PCDHA12: variants seen among roughly 807,000 people sequenced by gnomAD.
PCDHA12 encodes protocadherin alpha-12.
Under a neutral mutation model 60.0 loss-of-function variants are expected in PCDHA12, and 44 were observed. The ratio of observed to expected loss-of-function variants is 0.73; its 90% confidence interval spans 0.58 to 0.94. The LOEUF (loss-of-function observed/expected upper bound fraction) is 0.94. PCDHA12 is among the 40% of genes least tolerant of loss of function. The pLI is 0.00. For synonymous variants in PCDHA12, 569 were observed against 553.0 expected (o/e 1.03, Z -0.40); for missense variants, 1,276 against 1,239.7 (o/e 1.03, Z -0.44).
intron 3 of PCDHA12, among the ~76,000 whole-genome samples, chr5:140,995,110 C>T (rs1047046754): frequency 4.6e-5 from 7 of 152,198 alleles, no homozygotes; most frequent in Non-Finnish European, 7.3e-5. Flanking sequence ...TTCCAAGACC[C>T]TCAGTGGATG....
intron 1 of PCDHA12, among the ~76,000 whole-genome samples, chr5:140,914,725 T>C (rs1317424827): frequency 6.6e-6 from 1 of 152,164 alleles, no homozygotes; most frequent in African/African-American, 2.4e-5. Flanking sequence ...TTATTTTTTG[T>C]GTATCCATTG....
intron 1 of PCDHA12, among the ~76,000 whole-genome samples, chr5:140,964,434 G>A (rs1332567720): frequency 6.6e-6 from 1 of 152,104 alleles, no homozygotes; most frequent in Non-Finnish European, 1.5e-5. Context: ...AAATTACCAA[G>A]CCTCTGCCAC....
At chr5:140,956,132 C>A (rs782171826) in intron 1 of PCDHA12, among the ~76,000 whole-genome samples, 1 of 152,028 alleles carries the variant, frequency 6.6e-6, no homozygotes, top group African/African-American at 2.4e-5. Context: ...ATTTGAATAC[C>A]CTTTATTTCT....
intron 3 of PCDHA12, among the ~76,000 whole-genome samples, chr5:141,004,523 A>G (rs934216851): frequency 3.3e-5 from 5 of 152,232 alleles, no homozygotes; most frequent in Admixed American, 2.0e-4. Flanking sequence ...CTCTGCCAAT[A>G]CACACAGCCA....
At chr5:140,966,233 C>T (rs1554228161) in intron 1 of PCDHA12, 1 of 287,374 alleles carries the variant, frequency 3.5e-6, no homozygotes, top group Non-Finnish European at 6.4e-6. Flanking sequence ...CCTTAAAGAC[C>T]CGTTAAGCAG....
intron 1 of PCDHA12, among the ~76,000 whole-genome samples, chr5:140,970,086 G>T (rs1263388270): frequency 6.6e-6 from 1 of 152,102 alleles, no homozygotes; most frequent in Non-Finnish European, 1.5e-5. Flanking sequence ...TTAGGGGTGT[G>T]GGGGGATGGT....
intron 1 of PCDHA12, chr5:140,882,808 G>A (rs1554175666): frequency 6.2e-7 from 1 of 1,614,208 alleles, no homozygotes; most frequent in Non-Finnish European, 8.5e-7. Flanking sequence ...ATTTCACTTT[G>A]GACGCACAAA....
At chr5:140,987,588 A>G (rs1479484790) in intron 3 of PCDHA12, among the ~76,000 whole-genome samples, 1 of 152,220 alleles carries the variant, frequency 6.6e-6, no homozygotes, top group Non-Finnish European at 1.5e-5. Flanking sequence ...TGGGGAGAAT[A>G]GTGGTGTCTA....
Position 140,883,664 on chromosome 5 carries a change from G to A in PCDHA12, c.2367+5825G>A, listed in dbSNP as rs200846533. The A allele has an allele frequency of 6.7e-5, 108 of 1,613,836 alleles. No individual in the cohort carries two copies. Among genetic ancestry groups the A allele is most frequent in the Non-Finnish European group, 8.9e-5 (105 of 1,179,872 alleles). On this transcript the variant is annotated intron_variant, in intron 1 of 3. Transcript: ENST00000398631. ...GCCCGAGTACACGGTGTTCGTGAAG[G>A]AAAACAATCCGCCGGGCTGCCACAT... is the stretch of plus-strand genomic sequence containing the variant.
intron 3 of PCDHA12, among the ~76,000 whole-genome samples, chr5:141,007,680 C>G (rs1179621299): frequency 1.3e-5 from 2 of 152,148 alleles, no homozygotes; most frequent in African/African-American, 4.8e-5. Flanking sequence ...CAAAAGTTAT[C>G]CTACTTCCAC....
intron 1 of PCDHA12, among the ~76,000 whole-genome samples, chr5:140,936,248 G>A (rs2090860399): frequency 6.6e-6 from 1 of 152,086 alleles, no homozygotes; most frequent in Admixed American, 6.5e-5. Context: ...AACATATCCT[G>A]CTTCAAGTCA....
chr5:140,961,435 C>T (rs1554225413), intron 1 of PCDHA12, among the ~76,000 whole-genome samples: 1 of 152,174 alleles, frequency 6.6e-6, no homozygotes, highest in Non-Finnish European at 1.5e-5. Flanking sequence ...TACAAAATCA[C>T]CTAACTACAC....
intron 1 of PCDHA12, among the ~76,000 whole-genome samples, chr5:140,963,448 A>G (rs567394961): frequency 1.3e-5 from 2 of 152,370 alleles, no homozygotes; most frequent in Non-Finnish European, 2.9e-5. Flanking sequence ...CTCTGTTGCT[A>G]AAGTATTTCT....
chr5:140,890,608 G>A (rs1451973329), intron 1 of PCDHA12, among the ~76,000 whole-genome samples: 1 of 152,026 alleles, frequency 6.6e-6, no homozygotes, highest in African/African-American at 2.4e-5. Flanking sequence ...AATAGCTAGT[G>A]CTTACCCTAG....
intron 1 of PCDHA12, among the ~76,000 whole-genome samples, chr5:140,879,771 G>A (rs1413027496): frequency 6.6e-6 from 1 of 152,156 alleles, no homozygotes; most frequent in Admixed American, 6.5e-5. Flanking sequence ...GGAGGCCCCA[G>A]GGAAGAATCT....
chr5:140,929,078 G>A lies in PCDHA12; in HGVS notation c.2368-49871G>A, dbSNP rs144524128. On this transcript the variant is annotated intron_variant, in intron 1 of 3. Coordinates refer to ENST00000398631, the MANE Select transcript of PCDHA12 (RefSeq NM_018903.4). ...TCTACAGAGGATCTGAGGTATGGAA[G>A]TAAGATGGTTTCAAATCCTTGCATG... 20 of 1,614,208 alleles carry A rather than the reference G, an allele frequency of 1.2e-5. No individual in the cohort carries two copies. The African/African-American group carries it at 2.3e-4, about 18-fold the overall frequency.
At chr5:140,919,110 C>T (rs1274257448) in intron 1 of PCDHA12, among the ~76,000 whole-genome samples, 3 of 152,118 alleles carry the variant, frequency 2.0e-5, no homozygotes, top group Non-Finnish European at 2.9e-5. Flanking sequence ...TTCATTTCTG[C>T]CAGTTTTTGC....
intron 1 of PCDHA12, chr5:140,969,442 T>C (rs1554231813): frequency 1.3e-6 from 2 of 1,543,712 alleles, no homozygotes; most frequent in Admixed American, 4.0e-5. Flanking sequence ...AGTTATCTGG[T>C]AAACTGAGTA....
chr5:140,926,464 A>C (rs1445781673), intron 1 of PCDHA12: 1 of 159,892 alleles, frequency 6.3e-6, no homozygotes, highest in Non-Finnish European at 1.4e-5. Flanking sequence ...TGTCCTAGAA[A>C]ACACCGTTTA....
Sources: allele counts gnomAD v4.1 joint callset (sites outside exome capture counted in the v4.1 genomes callset), GRCh38; gene constraint gnomAD v4.1.1; transcripts MANE v1.5; gene names NCBI Gene and HGNC (gene_info 2026-07-23, HGNC 2026-07-21).